The following DNAH14 variants were observed in gnomAD, a reference collection of about 807,000 sequenced individuals.
The protein encoded by DNAH14 is dynein axonemal heavy chain 14, also known as axonemal beta dynein heavy chain 14.
DNAH14 carries 478 observed loss-of-function variants against 520.9 expected under a neutral mutation model. The ratio of observed to expected loss-of-function variants is 0.92; its 90% CI spans 0.85 to 0.99. DNAH14 has a LOEUF of 0.99. DNAH14 is among the 50% of genes least tolerant of loss of function. The pLI, the probability that DNAH14 is intolerant of heterozygous loss-of-function variation, is 0.00. For missense variants in DNAH14, 4,831 were observed against 5,234.5 expected, an observed-to-expected ratio of 0.92 and a Z score of 2.38; for synonymous variants, 1,581 against 1,757.2, an observed-to-expected ratio of 0.90 and a Z score of 2.51.
chr1:225,146,389 A>AC (rs1185033994), intron 30 of DNAH14, among the ~76,000 whole-genome samples: 1 of 152,148 alleles, frequency 6.6e-6, no homozygotes, highest in Non-Finnish European at 1.5e-5. Context: ...GAGTTCAGGC[A>AC]CCCCTCAACT....
chr1:225,335,679 ATATACG>A (rs1394412668), intron 66 of DNAH14, among the ~76,000 whole-genome samples: 13,093 of 106,238 alleles, frequency 0.12, 3,703 homozygotes, highest in South Asian at 0.24. Context: ...GCATATATGT[ATATACG>A]CATATATACA....
chr1:225,020,514 AAAC>A (rs1362280127), intron 10 of DNAH14, among the ~76,000 whole-genome samples: 3 of 137,394 alleles, frequency 2.2e-5, no homozygotes, highest in African/African-American at 3.3e-5. Context: ...AAAAAAAAAA[AAAC>A]AACTCAAAGG....
At chr1:225,076,826 G>A (rs1325053599) in intron 17 of DNAH14, among the ~76,000 whole-genome samples, 2 of 151,810 alleles carry the variant, frequency 1.3e-5, no homozygotes, top group Non-Finnish European at 2.9e-5. Flanking sequence ...TTAAGTTCTA[G>A]GGTACATGTG....
chr1:224,968,996 C>A, intron 7 of DNAH14, 122 bp downstream of exon 7: 1 of 641,574 alleles, frequency 1.6e-6, no homozygotes, highest in Non-Finnish European at 2.6e-6. Context: ...ATTCTTTTAT[C>A]TAAAAATTTT....
At chr1:225,086,325 G>A (rs1047985950) in intron 21 of DNAH14, among the ~76,000 whole-genome samples, 16 of 151,470 alleles carry the variant, frequency 1.1e-4, no homozygotes, top group African/African-American at 3.6e-4. Context: ...TAGTAGAGAC[G>A]GGATTTCACT....
intron 2 of DNAH14, chr1:224,953,072 C>T (rs1572014379): frequency 9.3e-6 from 2 of 214,032 alleles, no homozygotes; most frequent in South Asian, 8.7e-5. Flanking sequence ...CCTAGGAAAG[C>T]AAAAGGTATC....
chr1:225,320,424 T>A (rs2094537505), intron 61 of DNAH14, among the ~76,000 whole-genome samples: 1 of 152,232 alleles, frequency 6.6e-6, no homozygotes, highest in Non-Finnish European at 1.5e-5. Context: ...ACCAGCCTTG[T>A]CTTTGAACTC....
intron 1 of DNAH14, among the ~76,000 whole-genome samples, chr1:224,949,398 T>G (rs1283239060): frequency 6.6e-6 from 1 of 152,208 alleles, no homozygotes; most frequent in Middle Eastern, 3.2e-3. Context: ...ATGTTCATTC[T>G]GCTTAGAATT....
chr1:225,354,299 G>A (rs2095406602), intron 73 of DNAH14: 1 of 700,410 alleles, frequency 1.4e-6, no homozygotes, highest in Non-Finnish European at 2.6e-6. Flanking sequence ...TCTAGGTTCT[G>A]TATGAGGAAG....
At chr1:225,312,859 C>T (rs1050314084) in intron 60 of DNAH14, among the ~76,000 whole-genome samples, 1 of 152,004 alleles carries the variant, frequency 6.6e-6, no homozygotes, top group Non-Finnish European at 1.5e-5. Context: ...TATTTTTTGA[C>T]GATTTTCACA....
rs1331653925 is a variant in DNAH14 at position 225,270,869 on chromosome 1, A to G, written c.7671+3A>G. The G allele has an allele frequency of 1.3e-6, 2 of 1,549,660 alleles. No individual in the cohort carries two copies. The highest frequency in any genetic ancestry group is 1.7e-4 in the Middle Eastern group (1 of 5,986). ...ACATCTTATGTACTATTTTCCAGGT[A>G]ACACATCTAGTTCATTTTCTACTGA... On this transcript the variant is annotated splice_donor_region_variant and intron_variant, in intron 50 of 85. Coordinates refer to ENST00000682510, the MANE Select transcript of DNAH14 (RefSeq NM_001367479.1).
At chr1:225,043,558 T>G (rs1405488536) in intron 13 of DNAH14, among the ~76,000 whole-genome samples, 186 bp from the exon 14 acceptor site, 1 of 152,186 alleles carries the variant, frequency 6.6e-6, no homozygotes, top group East Asian at 1.9e-4. Context: ...CTAGGATGTT[T>G]GTCCTCAGAT....
intron 65 of DNAH14, among the ~76,000 whole-genome samples, chr1:225,332,434 G>A (rs1009494149): frequency 1.3e-5 from 2 of 151,864 alleles, no homozygotes; most frequent in Non-Finnish European, 2.9e-5. Flanking sequence ...TTTATTTATC[G>A]ACCAATCAAG....
intron 43 of DNAH14, among the ~76,000 whole-genome samples, chr1:225,247,234 G>A (rs928907431): frequency 6.6e-6 from 1 of 152,012 alleles, no homozygotes; most frequent in African/African-American, 2.4e-5. Context: ...TGCGGGGTGG[G>A]GGCAAGGGGA....
At chr1:225,198,551 TA>T (rs1402955558) in intron 38 of DNAH14, among the ~76,000 whole-genome samples, 4 of 152,206 alleles carry the variant, frequency 2.6e-5, no homozygotes, top group African/African-American at 9.6e-5. Flanking sequence ...CTTTTAATCA[TA>T]AAGCAATGCT....
chr1:224,950,872 CAA>C (rs67474069), intron 1 of DNAH14, among the ~76,000 whole-genome samples: 3 of 149,118 alleles, frequency 2.0e-5, no homozygotes, highest in African/African-American at 7.3e-5. Flanking sequence ...TACTGTATTA[CAA>C]AAAAAAAATA....
At chr1:225,106,768 G>C (rs996389718) in intron 23 of DNAH14, among the ~76,000 whole-genome samples, 1 of 152,018 alleles carries the variant, frequency 6.6e-6, no homozygotes, top group Non-Finnish European at 1.5e-5. Context: ...GGTTATTCTA[G>C]TTAGCCATTC....
intron 17 of DNAH14, among the ~76,000 whole-genome samples, chr1:225,062,643 A>T (rs576717570): frequency 1.3e-5 from 2 of 152,232 alleles, no homozygotes; most frequent in African/African-American, 4.8e-5. Flanking sequence ...AATTGGAACC[A>T]CTAATTGTAA....
intron 46 of DNAH14, among the ~76,000 whole-genome samples, chr1:225,259,761 C>G (rs2092868311): frequency 6.6e-6 from 1 of 152,108 alleles, no homozygotes; most frequent in Non-Finnish European, 1.5e-5. Context: ...CTACTTTCTG[C>G]TTCTATGAGT....
Sources: allele counts gnomAD v4.1 joint callset (sites outside exome capture counted in the v4.1 genomes callset), GRCh38; gene constraint gnomAD v4.1.1; transcripts MANE v1.5; gene names NCBI Gene and HGNC (gene_info 2026-07-23, HGNC 2026-07-21).